Variants in PRDM10 observed in about 807,000 individuals in gnomAD.
PRDM10 encodes PR/SET domain 10, also known as PR domain zinc finger protein 10.
Under a neutral mutation model 133.1 loss-of-function variants are expected in PRDM10, and 65 were observed. The observed-to-expected ratio is 0.49, with a 90% CI of 0.40 to 0.60. The LOEUF is 0.60. Ranked by LOEUF, PRDM10 falls within the 20% of genes least tolerant of loss-of-function variation. The probability of loss-of-function intolerance (pLI) is 0.00; values close to 1 mark genes in which losing one functional copy is unlikely to be tolerated. For missense variants in PRDM10, 1,137 were observed against 1,507.1 expected (o/e 0.75, Z 4.07); for synonymous variants, 582 against 580.4 (o/e 1.00, Z -0.04).
chr11:129,958,028 G>A, intron 2 of PRDM10, 118 bp from the exon 3 acceptor site: 2 of 1,174,332 alleles, frequency 1.7e-6, no homozygotes, highest in Non-Finnish European at 2.4e-6. Context: ...ATACACCTTT[G>A]TCTACACCGA....
intron 17 of PRDM10, among the ~76,000 whole-genome samples, chr11:129,913,535 C>T (rs138218538): frequency 2.0e-4 from 31 of 152,254 alleles, no homozygotes; most frequent in East Asian, 7.7e-4. Context: ...CAAAGAAATT[C>T]GTTTTTAGTT....
chr11:129,943,094 G>A (rs1951268044), intron 6 of PRDM10, among the ~76,000 whole-genome samples: 1 of 152,122 alleles, frequency 6.6e-6, no homozygotes, highest in Admixed American at 6.5e-5. Context: ...CAGATGACTT[G>A]TCAAAAAACA....
Position 129,932,186 on chromosome 11 carries a change from T to C in PRDM10, c.1203A>G (p.Pro401=). ...GRGRGKRRFG[P]GRRPGRPPKF... ...TTGGAGGACGCCCCGGCCGTCGACC[T>C]GGACCGAATCGCCTCTTGCCTCGTC... The change falls in exon 10 of 21, where the codon CCA becomes CCG. Residue 401 remains proline (P), a synonymous_variant. Transcript: ENST00000360871. 2 of 1,614,170 alleles carry C rather than the reference T, an allele frequency of 1.2e-6. No homozygotes were observed. The highest frequency in any genetic ancestry group is 8.5e-7 in the Non-Finnish European group (1 of 1,179,998).
intron 1 of PRDM10, among the ~76,000 whole-genome samples, chr11:129,977,572 G>A (rs1937852213): frequency 6.6e-6 from 1 of 152,162 alleles, no homozygotes; most frequent in Non-Finnish European, 1.5e-5. Flanking sequence ...GTGAGCCACT[G>A]CGCCCAGCCT....
intron 8 of PRDM10, among the ~76,000 whole-genome samples, chr11:129,936,930 T>C (rs1301398302): frequency 6.6e-6 from 1 of 152,240 alleles, no homozygotes; most frequent in East Asian, 1.9e-4. Context: ...TACACTAGAA[T>C]ACCAAATGAG....
intron 5 of PRDM10, among the ~76,000 whole-genome samples, chr11:129,946,271 A>G (rs1238603063): frequency 6.6e-6 from 1 of 152,092 alleles, no homozygotes; most frequent in African/African-American, 2.4e-5. Context: ...AAAAAAAACA[A>G]AAACAAACAA....
At chr11:129,921,997 T>C (rs1221227732) in intron 13 of PRDM10, among the ~76,000 whole-genome samples, 1 of 152,186 alleles carries the variant, frequency 6.6e-6, no homozygotes, top group African/African-American at 2.4e-5. Flanking sequence ...AACTTCCCAT[T>C]TGACCACCCA....
intron 17 of PRDM10, among the ~76,000 whole-genome samples, chr11:129,913,446 A>G (rs999968187): frequency 4.6e-5 from 7 of 152,202 alleles, no homozygotes; most frequent in African/African-American, 1.7e-4. Flanking sequence ...GTTCCTGACA[A>G]TAAGCTGAAA....
intron 13 of PRDM10, among the ~76,000 whole-genome samples, chr11:129,919,854 A>G (rs1215742903): frequency 6.6e-6 from 1 of 152,180 alleles, no homozygotes; most frequent in Non-Finnish European, 1.5e-5. Flanking sequence ...CCGAGCTCCA[A>G]TGCTGGGCCT....
intron 1 of PRDM10, among the ~76,000 whole-genome samples, chr11:129,983,031 C>A (rs973151499): frequency 9.4e-4 from 143 of 152,096 alleles, no homozygotes; most frequent in African/African-American, 3.2e-3. Context: ...GGCTGGAGTG[C>A]AGTGGCACGA....
chr11:129,989,228 C>T (rs1222660894), intron 1 of PRDM10, among the ~76,000 whole-genome samples: 2 of 151,950 alleles, frequency 1.3e-5, no homozygotes, highest in African/African-American at 2.4e-5. Flanking sequence ...TGGCTTTAAG[C>T]CCAGGAGTTC....
intron 10 of PRDM10, 26 bp downstream of exon 10, chr11:129,932,076 G>A (rs1565473432): frequency 1.2e-6 from 2 of 1,607,826 alleles, no homozygotes. Context: ...AGCACCTAAG[G>A]AGGGCTCCTT....
At chr11:129,966,914 G>A (rs1047439209) in intron 1 of PRDM10, among the ~76,000 whole-genome samples, 5 of 152,166 alleles carry the variant, frequency 3.3e-5, no homozygotes, top group African/African-American at 4.8e-5. Context: ...GAAGAACTCC[G>A]AGTCCAAAAA....
At chr11:129,949,138 T>G (rs1017660181) in intron 4 of PRDM10, among the ~76,000 whole-genome samples, 1 of 152,226 alleles carries the variant, frequency 6.6e-6, no homozygotes, top group Non-Finnish European at 1.5e-5. Context: ...ATTTTGGTGA[T>G]GAGTATGCGT....
intron 1 of PRDM10, among the ~76,000 whole-genome samples, chr11:129,972,333 G>A (rs1952050253): frequency 6.6e-6 from 1 of 152,256 alleles, no homozygotes; most frequent in Non-Finnish European, 1.5e-5. Flanking sequence ...GGCAGAGGAG[G>A]TGCCGAGAGC....
chr11:129,945,104 G>T lies in PRDM10; in HGVS notation c.521-92C>A. ...ATTCTGACCCGAAAAATCCCCGTCT[G>T]CATTTTCAAGCCAAAATTCAATGAA... On this transcript the variant is annotated intron_variant, in intron 5 of 20. Transcript: ENST00000360871. This position sits in a 1 kb window ranked among gnomAD's most constrained non-coding sequence, Gnocchi z 4.2. The T allele has an allele frequency of 6.7e-7, 1 of 1,493,524 alleles. No homozygotes were observed. Among genetic ancestry groups the T allele is most frequent in the Non-Finnish European group, 9.1e-7 (1 of 1,098,100 alleles). 92.5% of individuals were successfully genotyped at this position (1,493,524 alleles called of 1,614,324 possible).
intron 1 of PRDM10, among the ~76,000 whole-genome samples, chr11:129,976,256 G>T (rs565813000): frequency 6.6e-6 from 1 of 152,208 alleles, no homozygotes; most frequent in South Asian, 2.1e-4. Flanking sequence ...GTTGCTCCAT[G>T]CCCTTTATAC....
chr11:129,938,254 A>G (rs771194453), intron 7 of PRDM10, among the ~76,000 whole-genome samples: 109 of 152,142 alleles, frequency 7.2e-4, no homozygotes, highest in Non-Finnish European at 1.1e-3. Flanking sequence ...TCCCAAATTA[A>G]TATCTCCATC....
At chr11:129,909,449 CAA>C (rs564558552) in intron 19 of PRDM10, among the ~76,000 whole-genome samples, 8 of 121,064 alleles carry the variant, frequency 6.6e-5, no homozygotes, top group Admixed American at 1.7e-4. Context: ...GACCCCATCT[CAA>C]AAAAAAAAAA....
Sources: allele counts gnomAD v4.1 joint callset (sites outside exome capture counted in the v4.1 genomes callset), GRCh38; gene constraint gnomAD v4.1.1; non-coding constraint Gnocchi (gnomAD v3.1); transcripts MANE v1.5; gene names NCBI Gene and HGNC (gene_info 2026-07-23, HGNC 2026-07-21).